Variants in GATD1 observed in about 807,000 individuals in gnomAD.
GATD1 encodes glutamine amidotransferase class 1 domain containing 1, also known as glutamine amidotransferase-like class 1 domain-containing protein 1.
In GATD1, 23 loss-of-function variants were observed where a neutral mutation model predicts 25.9. The ratio of observed to expected loss-of-function variants is 0.89; its 90% CI spans 0.64 to 1.26. GATD1 has a LOEUF of 1.26. Among genes scored for constraint, GATD1 ranks in the 50% most tolerant of loss-of-function variants. GATD1 has a pLI of 0.00. For synonymous variants in GATD1, 177 were observed against 134.6 expected (o/e 1.31, Z -2.18); for missense variants, 347 against 312.5 (o/e 1.11, Z -0.83).
In GATD1 at chr11:767,525, C is replaced by T; in HGVS notation, c.*3372G>A. The T allele has an allele frequency of 7.0e-7, 1 of 1,426,472 alleles. No individual in the cohort carries two copies. Among genetic ancestry groups the T allele is most frequent in the Admixed American group, 3.1e-5 (1 of 32,718 alleles). 88.4% of individuals were successfully genotyped at this position (1,426,472 alleles called of 1,614,324 possible). Reference sequence around the variant, plus strand: ...GAACCCACTTCACATCCCAAAGCCCCACCTGCTTTGATCTTCAATGCTGGG... The same window carrying T: ...GAACCCACTTCACATCCCAAAGCCCTACCTGCTTTGATCTTCAATGCTGGG... On this transcript the variant is annotated 3_prime_UTR_variant, in exon 8 of 8. Transcript: ENST00000319863.
In GATD1 at chr11:770,885, T is replaced by TA; in HGVS notation, c.*11dup. 1.2e-6 allele frequency: 2 copies of TA among 1,602,944 alleles called. No individual in the cohort carries two copies. The highest frequency in any genetic ancestry group is 1.7e-6 in the Non-Finnish European group (2 of 1,173,252). Reference sequence around the variant, plus strand: ...CCTGGGCTGTCTCAGGGGGTGCATCTACCCAGCAGGTTCATTTCCTGCAGG... The same window carrying TA: ...CCTGGGCTGTCTCAGGGGGTGCATCTAACCCAGCAGGTTCATTTCCTGCAGG... On this transcript the variant is annotated 3_prime_UTR_variant, in exon 8 of 8. Coordinates refer to ENST00000319863, the MANE Select transcript of GATD1 (RefSeq NM_182612.4).
Position 769,298 on chromosome 11 carries a change from T to A in GATD1, c.*1599A>T. On this transcript the variant is annotated 3_prime_UTR_variant, in exon 8 of 8. Coordinates refer to ENST00000319863, the MANE Select transcript of GATD1 (RefSeq NM_182612.4). ...CTTCCTTCTTCCACTTTTTTCCAAA[T>A]TCTCCTTATTGAACGGCTTTATTTT... 1.0e-6 allele frequency: 1 copy of A among 985,172 alleles called. No homozygotes were observed. 61.0% of individuals were successfully genotyped at this position (985,172 alleles called of 1,614,324 possible).
At chr11:773,945 T>C in intron 3 of GATD1, 63 bp downstream of exon 3, 4 of 1,483,466 alleles carry the variant, frequency 2.7e-6, no homozygotes, top group Non-Finnish European at 3.7e-6. Context: ...CAAACCTATC[T>C]GGAACCCTTG....
intron 5 of GATD1, among the ~76,000 whole-genome samples, chr11:771,824 C>A (rs1250958870): frequency 6.6e-6 from 1 of 152,100 alleles, no homozygotes; most frequent in East Asian, 1.9e-4. Flanking sequence ...GTTGGTGTCA[C>A]CCCTCGGAGG....
chr11:770,292 G>T lies in GATD1; in HGVS notation c.*605C>A, dbSNP rs540592199. 2.0e-4 allele frequency: 303 copies of T among 1,514,930 alleles called. 3 individuals are homozygous for T. The Middle Eastern group carries it at 3.4e-3, about 17-fold the overall frequency. 93.8% of individuals were successfully genotyped at this position (1,514,930 alleles called of 1,614,324 possible). ...ACGTGCCTCTCAATGCTTAGGACAG[G>T]GTGCATCACTGAGGTGCTTACACTT... On this transcript the variant is annotated 3_prime_UTR_variant, in exon 8 of 8. Transcript: ENST00000319863.
intron 4 of GATD1, 193 bp from the exon 5 acceptor site, chr11:772,714 TC>T: frequency 1.7e-6 from 1 of 601,254 alleles, no homozygotes; most frequent in South Asian, 1.9e-5. Flanking sequence ...AGGAATCTGC[TC>T]GGGGGAGCTG....
At chr11:777,364 C>T (rs1320958882) in intron 1 of GATD1, 35 bp downstream of exon 1, 3 of 1,285,950 alleles carry the variant, frequency 2.3e-6, no homozygotes, top group Non-Finnish European at 3.0e-6. Flanking sequence ...CTCGCGGACG[C>T]TCTTCGGACA....
At chr11:777,169 C>T in intron 1 of GATD1, 1 of 281,922 alleles carries the variant, frequency 3.5e-6, no homozygotes, top group Non-Finnish European at 6.6e-6. Context: ...CCCGACCCCG[C>T]CCCGAGCTCC....
rs1261443421 is a variant in GATD1 at position 768,963 on chromosome 11, T to G, written c.*1934A>C. ...GAAAAATACAAAAATTAGCCAGGCG[T>G]GGTGGCGCACACCTGTAATCCCAGC... is the stretch of plus-strand genomic sequence containing the variant. On this transcript the variant is annotated 3_prime_UTR_variant, in exon 8 of 8. Coordinates refer to ENST00000319863, the MANE Select transcript of GATD1 (RefSeq NM_182612.4). 5.1e-6 allele frequency: 1 copy of G among 195,256 alleles called. No individual in the cohort carries two copies. Among genetic ancestry groups the G allele is most frequent in the South Asian group, 1.7e-4 (1 of 5,814 alleles). 12.1% of individuals were successfully genotyped at this position (195,256 alleles called of 1,614,324 possible). A position where few individuals can be genotyped will look rare whatever the true frequency, so the allele number is the denominator to read the frequency against.
chr11:771,041 C>T lies in GATD1; in HGVS notation c.608G>A (p.Ser203Asn). ...DRHLVTGQNASSTVPAVQNLL... is the reference protein window; with the variant it reads ...DRHLVTGQNANSTVPAVQNLL... ...GTTCTGCACGGCCGGGACAGTGGAG[C>T]TGGCATTCTGGCCTGTGACCAGGTG... Residue 203 changes from serine to asparagine, a missense_variant, in exon 7 of 8, where the codon AGC becomes AAC. Coordinates refer to ENST00000319863, the MANE Select transcript of GATD1 (RefSeq NM_182612.4). 3.1e-6 allele frequency: 5 copies of T among 1,612,658 alleles called. No homozygotes were observed. The highest frequency in any genetic ancestry group is 4.2e-6 in the Non-Finnish European group (5 of 1,179,872).
At chr11:771,247 G>C (rs1272661084) in intron 6 of GATD1, 86 bp downstream of exon 6, 1 of 1,554,120 alleles carries the variant, frequency 6.4e-7, no homozygotes, top group Non-Finnish European at 8.7e-7. Context: ...TAGAACCCAG[G>C]GCCCAGGAGG....
Position 770,220 on chromosome 11 carries a change from G to C in GATD1, c.*677C>G. ...CCACTGTGCAAGGCCGTGGGGGACA[G>C]CACTTTCCTATCATTGAGAATCTCA... On this transcript the variant is annotated 3_prime_UTR_variant, in exon 8 of 8. Transcript: ENST00000319863. The C allele has an allele frequency of 1.4e-6, 2 of 1,380,198 alleles. No individual in the cohort carries two copies. Among genetic ancestry groups the C allele is most frequent in the Non-Finnish European group, 1.9e-6 (2 of 1,062,312 alleles). 85.5% of individuals were successfully genotyped at this position (1,380,198 alleles called of 1,614,324 possible).
Position 771,038 on chromosome 11 carries a change from G to A in GATD1, c.611C>T (p.Ser204Phe). ...RHLVTGQNAS[S>F]TVPAVQNLLF... ...CAGGTTCTGCACGGCCGGGACAGTG[G>A]AGCTGGCATTCTGGCCTGTGACCAG... The change falls in exon 7 of 8, where the codon TCC (serine) becomes TTC (phenylalanine). Residue 204 changes from serine to phenylalanine, a missense_variant. By Grantham distance (155) the Ser-to-Phe change is radical. Transcript: ENST00000319863. 1.2e-6 allele frequency: 2 copies of A among 1,612,768 alleles called. No homozygotes were observed. Among genetic ancestry groups the A allele is most frequent in the African/African-American group, 1.3e-5 (1 of 75,060 alleles).
rs556024293 is a variant in GATD1 at position 771,364 on chromosome 11, G to C, written c.513C>G (p.Asp171Glu). 5.6e-6 allele frequency: 9 copies of C among 1,594,136 alleles called. No homozygotes were observed. The highest frequency in any genetic ancestry group is 1.1e-5 in the South Asian group (1 of 89,028). Reference sequence around the variant, plus strand: ...AGCAGGCGCCCGAATCCTTCACGAAGTCCTCCACCACGAGCGGCAGGCGGG... The same window carrying C: ...AGCAGGCGCCCGAATCCTTCACGAACTCCTCCACCACGAGCGGCAGGCGGG... ...GFARLPLVVE[D>E]FVKDSGACFS... The change falls in exon 6 of 8, where the codon GAC (aspartate) becomes GAG (glutamate). Residue 171 changes from aspartate (D) to glutamate (E), a missense_variant. Physicochemically the swap from Asp to Glu is conservative, Grantham distance 45. Coordinates refer to ENST00000319863, the MANE Select transcript of GATD1 (RefSeq NM_182612.4).
intron 5 of GATD1, among the ~76,000 whole-genome samples, chr11:771,850 C>T (rs939051072): frequency 3.9e-5 from 6 of 152,138 alleles, no homozygotes; most frequent in Non-Finnish European, 7.4e-5. Flanking sequence ...ACTGAGTACC[C>T]ACTGAGGAAG....
Position 771,380 on chromosome 11 carries a change from G to T in GATD1, c.497C>A (p.Pro166Gln). 1 of 1,577,846 alleles carries T rather than the reference G, an allele frequency of 6.3e-7. No individual in the cohort carries two copies. ...LVRAPGFARL[P>Q]LVVEDFVKDS... ...CTTCACGAAGTCCTCCACCACGAGC[G>T]GCAGGCGGGCGAAGCCGGGGGCCCT... is the stretch of plus-strand genomic sequence containing the variant. The change falls in exon 6 of 8, where the codon CCG (proline) becomes CAG (glutamine). Residue 166 changes from proline to glutamine, a missense_variant. Transcript: ENST00000319863.
rs1230908928 is a variant in GATD1 at position 772,522 on chromosome 11, CT to C, written c.356-2del. The C allele has an allele frequency of 1.7e-5, 28 of 1,609,984 alleles. No individual in the cohort carries two copies. The highest frequency in any genetic ancestry group is 2.4e-5 in the Non-Finnish European group (28 of 1,179,846). ...CCGTGGCCGACGGCGCAGATGGGTT[CT>C]GAAAGCCGTACATGGCGTTGAGGCC... On this transcript the variant is annotated splice_acceptor_variant, in intron 4 of 7. Coordinates refer to ENST00000319863, the MANE Select transcript of GATD1 (RefSeq NM_182612.4). LOFTEE classifies it high-confidence loss of function.
In GATD1 at chr11:772,906, C is replaced by T. The variant is rs1018625179; in HGVS notation, c.356-385G>A. On this transcript the variant is annotated intron_variant, in intron 4 of 7. Transcript: ENST00000319863. ...AAGGCCCCTCCCCGGCTAGACAGGA[C>T]GCCCCTGGGCAGGTGGGAGGTAGCC... 3.9e-5 allele frequency among the ~76,000 whole-genome samples: 6 copies of T among 152,310 alleles called. No individual in the cohort carries two copies. In the East Asian group the frequency reaches 5.8e-4, roughly 15 times the overall value.
chr11:772,554 C>T (rs377090172), intron 4 of GATD1, 33 bp from the exon 5 acceptor site: 28 of 1,588,020 alleles, frequency 1.8e-5, no homozygotes, highest in Non-Finnish European at 2.3e-5. Flanking sequence ...AGGCCCTGGA[C>T]CCCGCCACCC....
Sources: allele counts gnomAD v4.1 joint callset (sites outside exome capture counted in the v4.1 genomes callset), GRCh38; gene constraint gnomAD v4.1.1; transcripts MANE v1.5; gene names NCBI Gene and HGNC (gene_info 2026-07-23, HGNC 2026-07-21).